Variants in LRRC4C observed in about 807,000 individuals in gnomAD.
LRRC4C encodes leucine-rich repeat-containing protein 4C.
A neutral mutation model predicts 33.6 loss-of-function variants in LRRC4C; 5 were observed. That is an observed-to-expected ratio of 0.15 (90% confidence interval 0.08 to 0.31). The LOEUF (loss-of-function observed/expected upper bound fraction) is 0.31. Among genes scored for constraint, LRRC4C ranks in the 10% least tolerant of loss-of-function variants. LRRC4C has a pLI of 1.00. For missense variants in LRRC4C, 560 were observed against 796.7 expected (o/e 0.70, Z 3.58); for synonymous variants, 329 against 302.0 (o/e 1.09, Z -0.93).
At chr11:40,910,821 A>G (rs1454706816) in intron 2 of LRRC4C, among the ~76,000 whole-genome samples, 1 of 152,198 alleles carries the variant, frequency 6.6e-6, no homozygotes, top group African/African-American at 2.4e-5. Context: ...GACAGATGGC[A>G]CCTGGAAAAT....
At chr11:40,168,061 C>CA (rs761614645) in intron 5 of LRRC4C, among the ~76,000 whole-genome samples, 22 of 151,680 alleles carry the variant, frequency 1.5e-4, no homozygotes, top group East Asian at 7.8e-4. Context: ...AAACAAAAAA[C>CA]AAAAAAACAA....
At chr11:40,357,242 A>C (rs902981201) in intron 3 of LRRC4C, among the ~76,000 whole-genome samples, 28 of 152,144 alleles carry the variant, frequency 1.8e-4, no homozygotes, top group African/African-American at 6.5e-4. Context: ...TATTTTATTA[A>C]AAATATGGTT....
chr11:40,685,037 A>G (rs1443809338), intron 2 of LRRC4C, among the ~76,000 whole-genome samples: 1 of 152,236 alleles, frequency 6.6e-6, no homozygotes, highest in African/African-American at 2.4e-5. Flanking sequence ...CTTAACAAAG[A>G]GAAAACCCAA....
At chr11:40,135,825 A>G (rs1305562422) in intron 6 of LRRC4C, among the ~76,000 whole-genome samples, 4 of 152,238 alleles carry the variant, frequency 2.6e-5, no homozygotes, top group African/African-American at 9.6e-5. Context: ...GTGAGGACAG[A>G]ATGTTCTTTC....
At chr11:40,978,464 A>G (rs1852250135) in intron 1 of LRRC4C, among the ~76,000 whole-genome samples, 1 of 152,154 alleles carries the variant, frequency 6.6e-6, no homozygotes, top group African/African-American at 2.4e-5. Flanking sequence ...AGAGTATGCT[A>G]CTGTTTTCTA....
intron 3 of LRRC4C, among the ~76,000 whole-genome samples, chr11:40,415,373 C>T (rs563013495): frequency 1.6e-4 from 25 of 152,206 alleles, no homozygotes; most frequent in African/African-American, 5.8e-4. Context: ...AAGTGACATG[C>T]GGTGGTGCAA....
At chr11:40,509,478 GT>G (rs1955198664) in intron 3 of LRRC4C, among the ~76,000 whole-genome samples, 1 of 151,682 alleles carries the variant, frequency 6.6e-6, no homozygotes, top group African/African-American at 2.4e-5. Context: ...CTGTATGCTG[GT>G]TTTTAAAATT....
intron 6 of LRRC4C, among the ~76,000 whole-genome samples, chr11:40,136,222 TAAA>T (rs776749981): frequency 7.0e-6 from 1 of 142,178 alleles, no homozygotes; most frequent in Non-Finnish European, 1.5e-5. Context: ...CCTGGTCTCC[TAAA>T]AAAAAAAAAG....
chr11:40,791,880 C>G (rs1321986195), intron 2 of LRRC4C, among the ~76,000 whole-genome samples: 1 of 151,950 alleles, frequency 6.6e-6, no homozygotes, highest in Non-Finnish European at 1.5e-5. Context: ...TGATACAATT[C>G]AGGAAGATAA....
In LRRC4C at chr11:41,292,355, G is replaced by A. The variant is rs535391791; in HGVS notation, c.-496+167076C>T. ...CCTGGATCCTAGAATGAATGAATCC[G>A]GAGTAGAGCAGAGCCACAGATCACC... On this transcript the variant is annotated intron_variant, in intron 1 of 6. Transcript: ENST00000528697. Among the ~76,000 whole-genome samples, 8 of 151,910 alleles carry A rather than the reference G, an allele frequency of 5.3e-5. No individual in the cohort carries two copies. In the East Asian group the frequency reaches 1.4e-3, roughly 26 times the overall value.
At chr11:40,615,525 A>G (rs1308324476) in intron 3 of LRRC4C, among the ~76,000 whole-genome samples, 2 of 151,522 alleles carry the variant, frequency 1.3e-5, no homozygotes, top group Non-Finnish European at 3.0e-5. Flanking sequence ...TTACTGGATG[A>G]CCCTATTCTC....
At chr11:41,139,497 C>T (rs1943410971) in intron 1 of LRRC4C, among the ~76,000 whole-genome samples, 1 of 152,088 alleles carries the variant, frequency 6.6e-6, no homozygotes, top group African/African-American at 2.4e-5. Context: ...TGAAAACGGG[C>T]AATGAACGAT....
At chr11:41,026,683 C>T (rs1300397661) in intron 1 of LRRC4C, among the ~76,000 whole-genome samples, 1 of 151,372 alleles carries the variant, frequency 6.6e-6, no homozygotes, top group African/African-American at 2.4e-5. Context: ...CCCCAACCTT[C>T]AGCAACTACC....
intron 1 of LRRC4C, among the ~76,000 whole-genome samples, chr11:41,235,805 T>C (rs1426624301): frequency 6.6e-6 from 1 of 152,118 alleles, no homozygotes; most frequent in Non-Finnish European, 1.5e-5. Context: ...ATGTTCTGCC[T>C]CCCAGGGGAG....
At chr11:40,269,154 C>T (rs1312525649) in intron 4 of LRRC4C, among the ~76,000 whole-genome samples, 1 of 152,154 alleles carries the variant, frequency 6.6e-6, no homozygotes. Flanking sequence ...CAGCTGTACT[C>T]CTCATGCTAC....
intron 3 of LRRC4C, among the ~76,000 whole-genome samples, chr11:40,485,652 T>A (rs943714639): frequency 2.0e-5 from 3 of 152,108 alleles, no homozygotes. Context: ...ATCCCATTAA[T>A]GGGTATATAC....
At chr11:40,926,037 GT>G (rs200866594) in intron 2 of LRRC4C, among the ~76,000 whole-genome samples, 156 of 143,992 alleles carry the variant, frequency 1.1e-3, no homozygotes, top group East Asian at 2.4e-3. Flanking sequence ...GCTAAAAGGT[GT>G]TTTTTTTTTT....
At chr11:40,874,150 G>A (rs779202828) in intron 2 of LRRC4C, among the ~76,000 whole-genome samples, 1 of 152,220 alleles carries the variant, frequency 6.6e-6, no homozygotes. Context: ...ACCATCTCCT[G>A]TCAGATATGT....
chr11:40,361,713 G>A (rs1444666686), intron 3 of LRRC4C, among the ~76,000 whole-genome samples: 1 of 151,978 alleles, frequency 6.6e-6, no homozygotes, highest in Non-Finnish European at 1.5e-5. Context: ...TAAACTACCA[G>A]TTCCCATTAA....
Sources: gnomAD v4.1 joint callset for allele counts (sites outside exome capture counted in the v4.1 genomes callset) on GRCh38, gnomAD v4.1.1 for gene constraint, MANE v1.5 for transcripts, NCBI Gene and HGNC (gene_info 2026-07-23, HGNC 2026-07-21) for gene names.